TNPO3: variants seen among roughly 807,000 people sequenced by gnomAD.
TNPO3 encodes transportin-3.
Under a neutral mutation model 122.8 loss-of-function variants are expected in TNPO3, and 65 were observed. The ratio of observed to expected loss-of-function variants is 0.53; its 90% confidence interval spans 0.43 to 0.65. The LOEUF is 0.65. Among genes scored for constraint, TNPO3 ranks in the 30% least tolerant of loss-of-function variants. TNPO3 has a pLI of 0.00. For synonymous variants in TNPO3, 372 were observed against 411.2 expected, an observed-to-expected ratio of 0.90 and a Z score of 1.15; for missense variants, 850 against 1,136.7, an observed-to-expected ratio of 0.75 and a Z score of 3.63.
chr7:128,994,048 T>C, intron 8 of TNPO3, 134 bp from the exon 9 acceptor site: 2 of 709,398 alleles, frequency 2.8e-6, no homozygotes, highest in South Asian at 4.0e-5. Flanking sequence ...ATCACGAGGG[T>C]ATTTTATTTT....
intron 21 of TNPO3, among the ~76,000 whole-genome samples, chr7:128,966,369 T>C (rs1797928146): frequency 6.6e-6 from 1 of 152,196 alleles, no homozygotes; most frequent in Admixed American, 6.5e-5. Flanking sequence ...CACTGTATGA[T>C]TATAAGTCAT....
At position 129,000,855 on chromosome 7, in the gene TNPO3, C is replaced by T. The variant is rs549006463; in HGVS notation, c.872+204G>A. Among the ~76,000 whole-genome samples the T allele has an allele frequency of 5.9e-5, 9 of 152,320 alleles. No homozygotes were observed. The South Asian group carries it at 1.7e-3, about 28-fold the overall frequency. On this transcript the variant is annotated intron_variant, in intron 6 of 22. Transcript: ENST00000265388. The stretch of plus-strand genomic sequence containing the variant: ...TTTGTCTCCAACTTTTAAAGCCTTA[C>T]CTTTCTATGGTAATTCTACAAACCC...
chr7:129,010,163 A>G (rs1451094957), intron 4 of TNPO3, among the ~76,000 whole-genome samples: 2 of 152,178 alleles, frequency 1.3e-5, no homozygotes, highest in African/African-American at 2.4e-5. Context: ...TTTGCAACCC[A>G]TGATGAAATT....
chr7:128,985,936 T>C (rs1462100386), intron 12 of TNPO3, among the ~76,000 whole-genome samples: 1 of 152,210 alleles, frequency 6.6e-6, no homozygotes, highest in Non-Finnish European at 1.5e-5. Flanking sequence ...GCTTAGAAGA[T>C]ATCACACAGG....
chr7:129,049,000 A>C (rs953318272), intron 1 of TNPO3, among the ~76,000 whole-genome samples: 1 of 152,210 alleles, frequency 6.6e-6, no homozygotes, highest in Non-Finnish European at 1.5e-5. Flanking sequence ...AAACACAATG[A>C]AGTAAAGTTC....
Position 128,980,041 on chromosome 7 carries a change from G to T in TNPO3, c.1860-10C>A, listed in dbSNP as rs776687505. 2 of 1,613,950 alleles carry T rather than the reference G, an allele frequency of 1.2e-6. No individual in the cohort carries two copies. On this transcript the variant is annotated splice_polypyrimidine_tract_variant and intron_variant, in intron 14 of 22. Coordinates refer to ENST00000265388, the MANE Select transcript of TNPO3 (RefSeq NM_012470.4). Reference sequence around the variant, plus strand: ...AATGGGATTGGTATGCCTGGGAAAAGACAACAGCCCAAAATAGTGAACAAA... The same window carrying T: ...AATGGGATTGGTATGCCTGGGAAAATACAACAGCCCAAAATAGTGAACAAA...
intron 1 of TNPO3, among the ~76,000 whole-genome samples, chr7:129,052,400 G>A (rs567842526): frequency 2.6e-5 from 4 of 152,242 alleles, no homozygotes; most frequent in East Asian, 1.9e-4. Context: ...GATGTTAACC[G>A]TTCAGCTATA....
chr7:129,001,467 T>G (rs2150380221), intron 5 of TNPO3, among the ~76,000 whole-genome samples: 1 of 152,322 alleles, frequency 6.6e-6, no homozygotes, highest in East Asian at 1.9e-4. Flanking sequence ...TTAGAGTATA[T>G]GGGAAGATGT....
At chr7:128,965,548 T>C (rs1206987503) in intron 21 of TNPO3, among the ~76,000 whole-genome samples, 1 of 152,146 alleles carries the variant, frequency 6.6e-6, no homozygotes, top group East Asian at 1.9e-4. Flanking sequence ...TTAAAAAAAT[T>C]AAAGAAGATT....
chr7:129,053,331 A>G (rs1233168705), intron 1 of TNPO3, among the ~76,000 whole-genome samples: 2 of 114,434 alleles, frequency 1.7e-5, no homozygotes, highest in Non-Finnish European at 3.9e-5. Flanking sequence ...CTGTCTCAAG[A>G]AAAAAAAAAA....
At chr7:129,002,111 G>A (rs1802007512) in intron 5 of TNPO3, among the ~76,000 whole-genome samples, 1 of 152,184 alleles carries the variant, frequency 6.6e-6, no homozygotes, top group Non-Finnish European at 1.5e-5. Flanking sequence ...GTAAAGGAGA[G>A]CAAGGCCTTT....
chr7:129,041,247 A>T (rs1184718566), intron 1 of TNPO3, among the ~76,000 whole-genome samples: 1 of 152,188 alleles, frequency 6.6e-6, no homozygotes, highest in African/African-American at 2.4e-5. Context: ...TTGTAGTCCT[A>T]GCTACTCAGG....
At chr7:129,019,500 A>G (rs960180640) in intron 1 of TNPO3, among the ~76,000 whole-genome samples, 2 of 152,208 alleles carry the variant, frequency 1.3e-5, no homozygotes, top group African/African-American at 2.4e-5. Context: ...ACAAGTTCCT[A>G]AAGTAAATGG....
chr7:129,054,824 C>G lies in TNPO3; in HGVS notation c.-54G>C. On this transcript the variant is annotated 5_prime_UTR_variant, in exon 1 of 23. Coordinates refer to ENST00000265388, the MANE Select transcript of TNPO3 (RefSeq NM_012470.4). ...GCTCTGATTCTTCTCCGGAGGATTCCTCGGTTGCTCCGCCTTCGCGCTTCC... is the reference window on the plus strand; with the variant it reads ...GCTCTGATTCTTCTCCGGAGGATTCGTCGGTTGCTCCGCCTTCGCGCTTCC... 2 of 1,610,760 alleles carry G rather than the reference C, an allele frequency of 1.2e-6. No homozygotes were observed. The highest frequency in any genetic ancestry group is 1.7e-6 in the Non-Finnish European group (2 of 1,178,382).
At chr7:129,004,500 A>G (rs1802359025) in intron 5 of TNPO3, among the ~76,000 whole-genome samples, 1 of 152,358 alleles carries the variant, frequency 6.6e-6, no homozygotes, top group South Asian at 2.1e-4. Context: ...ATAAAAAGAC[A>G]TTAGTACTTA....
intron 1 of TNPO3, among the ~76,000 whole-genome samples, chr7:129,022,846 C>T (rs1804688563): frequency 6.6e-6 from 1 of 152,108 alleles, no homozygotes; most frequent in South Asian, 2.1e-4. Flanking sequence ...TTCCTATAAG[C>T]CCTTCCTAAA....
intron 1 of TNPO3, among the ~76,000 whole-genome samples, chr7:129,050,834 G>A (rs947249693): frequency 2.0e-5 from 3 of 152,136 alleles, no homozygotes; most frequent in Non-Finnish European, 2.9e-5. Context: ...AAGGATGAAG[G>A]TTCCCTTCTC....
At chr7:129,005,843 A>G (rs551607960) in intron 4 of TNPO3, among the ~76,000 whole-genome samples, 2 of 142,098 alleles carry the variant, frequency 1.4e-5, no homozygotes, top group African/African-American at 5.3e-5. Flanking sequence ...GTGCAGTGCC[A>G]CAATCTCGGC....
At chr7:128,979,886 C>T (rs999062705) in intron 15 of TNPO3, 85 bp downstream of exon 15, 3 of 1,205,820 alleles carry the variant, frequency 2.5e-6, no homozygotes. Context: ...ACTTGGAAGA[C>T]AGTATCTTCT....
Sources: allele counts gnomAD v4.1 joint callset (sites outside exome capture counted in the v4.1 genomes callset), GRCh38; gene constraint gnomAD v4.1.1; transcripts MANE v1.5; gene names NCBI Gene and HGNC (gene_info 2026-07-23, HGNC 2026-07-21).